Variants in MATN2 observed in about 807,000 individuals in gnomAD.
MATN2 encodes the protein matrilin-2.
Under a neutral mutation model 103.2 loss-of-function variants are expected in MATN2, and 69 were observed. The ratio of observed to expected loss-of-function variants is 0.67; its 90% CI spans 0.55 to 0.82. The LOEUF is 0.82. Ranked by LOEUF, MATN2 falls within the 40% of genes least tolerant of loss-of-function variation. The probability of loss-of-function intolerance (pLI) is 0.00; values close to 1 mark genes in which losing one functional copy is unlikely to be tolerated. For missense variants in MATN2, 1,023 were observed against 1,211.5 expected, an observed-to-expected ratio of 0.84 and a Z score of 2.31; for synonymous variants, 429 against 450.2, an observed-to-expected ratio of 0.95 and a Z score of 0.60.
At chr8:98,032,370 T>G in intron 16 of MATN2, 53 bp downstream of exon 16, 5 of 1,314,140 alleles carry the variant, frequency 3.8e-6, no homozygotes, top group African/African-American at 1.5e-5. Context: ...GAACCATGGT[T>G]TCCCTCCAGA....
At position 97,954,615 on chromosome 8, in the gene MATN2, C is replaced by A. The variant is rs185710303; in HGVS notation, c.836-6793C>A. Among the ~76,000 whole-genome samples, 5 of 152,242 alleles carry A rather than the reference C, an allele frequency of 3.3e-5. No individual in the cohort carries two copies. In the East Asian group the frequency reaches 9.6e-4, roughly 29 times the overall value. ...GAGCTGCCTCTAGCACATGACTGGC[C>A]CCTCACTGGACCATCAGCTCTATAA... On this transcript the variant is annotated intron_variant, in intron 4 of 18. Coordinates refer to ENST00000254898, the MANE Select transcript of MATN2 (RefSeq NM_002380.5).
At chr8:98,031,199 A>C (rs1191225481) in intron 15 of MATN2, among the ~76,000 whole-genome samples, 3 of 152,158 alleles carry the variant, frequency 2.0e-5, no homozygotes, top group Non-Finnish European at 2.9e-5. Context: ...TTAGCTAGGC[A>C]TGATGGCACA....
chr8:97,991,770 C>T (rs1013700887), intron 6 of MATN2, among the ~76,000 whole-genome samples: 2 of 151,998 alleles, frequency 1.3e-5, no homozygotes, highest in Non-Finnish European at 1.5e-5. Flanking sequence ...TGCTATGTTG[C>T]TCAGGCTGGT....
chr8:97,979,126 T>G, intron 6 of MATN2, 118 bp downstream of exon 6: 1 of 1,216,490 alleles, frequency 8.2e-7, no homozygotes, highest in South Asian at 1.5e-5. Flanking sequence ...GGGGGTCTAA[T>G]ACCTTTTGCC....
intron 2 of MATN2, among the ~76,000 whole-genome samples, chr8:97,895,994 A>C (rs950133514): frequency 2.0e-5 from 3 of 152,152 alleles, no homozygotes; most frequent in Non-Finnish European, 2.9e-5. Flanking sequence ...GTACTATTTT[A>C]GCCCCTGCTT....
intron 1 of MATN2, among the ~76,000 whole-genome samples, chr8:97,880,498 C>G (rs1818218581): frequency 6.6e-6 from 1 of 152,158 alleles, no homozygotes; most frequent in Admixed American, 6.5e-5. Context: ...CAGATAAACT[C>G]AAGTCATAAA....
intron 18 of MATN2, chr8:98,033,890 C>T (rs1441568438): frequency 1.9e-6 from 1 of 520,692 alleles, no homozygotes; most frequent in Non-Finnish European, 3.5e-6. Context: ...CGGCTGTTCT[C>T]GGGGGCTTAG....
At chr8:97,969,153 T>C (rs1359065814) in intron 5 of MATN2, among the ~76,000 whole-genome samples, 4 of 152,188 alleles carry the variant, frequency 2.6e-5, no homozygotes, top group African/African-American at 4.8e-5. Context: ...CCAGGTCTCA[T>C]GTGAACTAAC....
intron 4 of MATN2, among the ~76,000 whole-genome samples, chr8:97,949,970 G>C (rs1810889102): frequency 1.3e-5 from 2 of 152,198 alleles, no homozygotes; most frequent in Admixed American, 1.3e-4. Context: ...ACTCAGTAAT[G>C]ACAGAGAGCA....
At chr8:97,963,735 C>G (rs1354093632) in intron 5 of MATN2, among the ~76,000 whole-genome samples, 1 of 152,172 alleles carries the variant, frequency 6.6e-6, no homozygotes, top group Non-Finnish European at 1.5e-5. Context: ...CATCCCATTG[C>G]AACCCAGGTC....
intron 5 of MATN2, among the ~76,000 whole-genome samples, chr8:97,977,984 TATTC>T (rs1364497127): frequency 6.6e-6 from 1 of 152,198 alleles, no homozygotes; most frequent in Non-Finnish European, 1.5e-5. Context: ...ACCCTACTCC[TATTC>T]ATTGTTTTGC....
At chr8:97,994,650 C>T (rs750074142) in intron 7 of MATN2, 48 bp downstream of exon 7, 13 of 1,573,824 alleles carry the variant, frequency 8.3e-6, no homozygotes, top group African/African-American at 2.7e-5. Context: ...CTAAATGCTC[C>T]TCTAGTTAGT....
At chr8:97,950,587 C>T (rs905171501) in intron 4 of MATN2, among the ~76,000 whole-genome samples, 4 of 151,848 alleles carry the variant, frequency 2.6e-5, no homozygotes, top group African/African-American at 9.7e-5. Flanking sequence ...TTCCCTTTTA[C>T]CCCCCACACA....
At chr8:97,871,010 G>C (rs528840259) in intron 1 of MATN2, among the ~76,000 whole-genome samples, 2 of 152,190 alleles carry the variant, frequency 1.3e-5, no homozygotes, top group Non-Finnish European at 2.9e-5. Context: ...GGGCTCTGGG[G>C]TTTCTTGTTC....
At chr8:97,984,706 A>G (rs12680515) in intron 6 of MATN2, among the ~76,000 whole-genome samples, 14 of 152,242 alleles carry the variant, frequency 9.2e-5, no homozygotes, top group South Asian at 2.1e-4. Context: ...AGTAAGAGTA[A>G]TACCAATAAC....
At position 98,035,897 on chromosome 8, in the gene MATN2, T is replaced by C. The variant is rs543412323; in HGVS notation, c.*185T>C. The C allele has an allele frequency of 1.9e-5, 8 of 410,460 alleles. No individual in the cohort carries two copies. In the East Asian group the frequency reaches 2.9e-4, roughly 15 times the overall value. The allele number at this position is 410,460 out of a possible 1,614,324, so 25.4% of individuals were successfully genotyped here. ...ATACACTAACTTGTATAAATTTATC[T>C]AGGAAAAAAATCCTTCAGAATTCTA... On this transcript the variant is annotated 3_prime_UTR_variant, in exon 19 of 19. Transcript: ENST00000254898.
chr8:97,964,642 C>G (rs1287541311), intron 5 of MATN2, among the ~76,000 whole-genome samples: 1 of 151,912 alleles, frequency 6.6e-6, no homozygotes, highest in South Asian at 2.1e-4. Flanking sequence ...CATACATTGT[C>G]TAGGCTGGTC....
chr8:97,876,048 TCTGA>T (rs1432664225), intron 1 of MATN2, among the ~76,000 whole-genome samples: 1 of 151,732 alleles, frequency 6.6e-6, no homozygotes, highest in African/African-American at 2.4e-5. Context: ...TGAGACATGG[TCTGA>T]CTGTCGCCCA....
intron 5 of MATN2, among the ~76,000 whole-genome samples, chr8:97,974,736 C>T (rs1176476512): frequency 1.1e-4 from 16 of 152,224 alleles, no homozygotes; most frequent in Admixed American, 3.3e-4. Flanking sequence ...TGAGCCACCG[C>T]GTCCAGCCCC....
Sources: allele counts gnomAD v4.1 joint callset (sites outside exome capture counted in the v4.1 genomes callset), GRCh38; gene constraint gnomAD v4.1.1; transcripts MANE v1.5; gene names NCBI Gene and HGNC (gene_info 2026-07-23, HGNC 2026-07-21).